SLC37A1: variants seen among roughly 807,000 people sequenced by gnomAD.
SLC37A1 encodes glucose-6-phosphate exchanger SLC37A1.
Under a neutral mutation model 75.3 loss-of-function variants are expected in SLC37A1, and 49 were observed. That is an observed-to-expected ratio of 0.65 (90% CI 0.52 to 0.83). The LOEUF (loss-of-function observed/expected upper bound fraction) is 0.83. SLC37A1 is among the 40% of genes least tolerant of loss of function. The pLI, the probability that SLC37A1 is intolerant of heterozygous loss-of-function variation, is 0.00. For missense variants in SLC37A1, 566 were observed against 695.0 expected (o/e 0.81, Z 2.09); for synonymous variants, 268 against 292.1 (o/e 0.92, Z 0.84).
At chr21:42,540,487 G>A (rs1297714165) in intron 6 of SLC37A1, among the ~76,000 whole-genome samples, 5 of 151,680 alleles carry the variant, frequency 3.3e-5, no homozygotes, top group African/African-American at 1.2e-4. Context: ...CGACTTTGGA[G>A]TTGGGCAGCA....
intron 3 of SLC37A1, chr21:42,526,141 GT>G (rs1465250095): frequency 6.3e-6 from 2 of 319,490 alleles, no homozygotes; most frequent in African/African-American, 4.3e-5. Flanking sequence ...TTGTGTGACT[GT>G]TCCTTCCAAA....
chr21:42,527,413 G>A (rs8128011), intron 3 of SLC37A1, among the ~76,000 whole-genome samples: 6 of 152,034 alleles, frequency 3.9e-5, no homozygotes, highest in Non-Finnish European at 5.9e-5. Flanking sequence ...CCTGACTCTC[G>A]TGTGTAGTGG....
At chr21:42,542,332 T>C (rs2055303570) in intron 6 of SLC37A1, 72 bp from the exon 7 acceptor site, 5 of 1,385,666 alleles carry the variant, frequency 3.6e-6, no homozygotes, top group Admixed American at 2.0e-5. Flanking sequence ...GAGCAAGCTC[T>C]GTGCACCTCC....
At chr21:42,558,796 T>C (rs953879306) in intron 10 of SLC37A1, among the ~76,000 whole-genome samples, 162 bp from the exon 11 acceptor site, 1 of 152,232 alleles carries the variant, frequency 6.6e-6, no homozygotes, top group Non-Finnish European at 1.5e-5. Context: ...TGCTAATCAT[T>C]CTAACACAGT....
chr21:42,574,699 G>C, intron 17 of SLC37A1, 119 bp from the exon 18 acceptor site: 1 of 910,870 alleles, frequency 1.1e-6, no homozygotes, highest in Non-Finnish European at 1.7e-6. Flanking sequence ...AGGTAGTGTA[G>C]TTCCATATGT....
chr21:42,534,564 TCTTAGAATG>T (rs1326417525), intron 3 of SLC37A1, 125 bp from the exon 4 acceptor site: 1 of 1,129,980 alleles, frequency 8.8e-7, no homozygotes, highest in African/African-American at 1.6e-5. Context: ...CTTGTGTCCC[TCTTAGAATG>T]CAGGGTGCAG....
At position 42,518,346 on chromosome 21, in the gene SLC37A1, C is replaced by T; in HGVS notation, c.-109C>T. ...ACACCTTCTTTCCACGCTTTCCAGC[C>T]TGTGGGAGCGGCAGGGGCAACAGAG... is the stretch of plus-strand genomic sequence containing the variant. On this transcript the variant is annotated 5_prime_UTR_variant, in exon 2 of 20. Transcript: ENST00000352133. 1 of 1,405,306 alleles carries T rather than the reference C, an allele frequency of 7.1e-7. No homozygotes were observed. 87.1% of individuals were successfully genotyped at this position (1,405,306 alleles called of 1,614,324 possible). A position where few individuals can be genotyped will look rare whatever the true frequency, so the allele number is the denominator to read the frequency against.
At chr21:42,513,746 C>T (rs2054465979), upstream of SLC37A1, 1 of 141,042 alleles carries the variant, frequency 7.1e-6, no homozygotes, top group Non-Finnish European at 1.6e-5. Context: ...GGGCCGGAGC[C>T]GGGGGTCGCG....
upstream of SLC37A1, among the ~76,000 whole-genome samples, chr21:42,513,051 G>T (rs1411260293): frequency 6.6e-6 from 1 of 152,176 alleles, no homozygotes; most frequent in Admixed American, 6.5e-5. Context: ...CTTTTTCCCC[G>T]GAAAATTTCC....
intron 3 of SLC37A1, among the ~76,000 whole-genome samples, chr21:42,529,943 T>C (rs62215925): frequency 0.068 from 10,357 of 152,222 alleles, 379 homozygotes; most frequent in Middle Eastern, 0.12. Context: ...CCTTCAGACA[T>C]ACTTCTGGGA....
intron 18 of SLC37A1, among the ~76,000 whole-genome samples, chr21:42,578,944 G>A (rs1166804213): frequency 4.6e-5 from 7 of 152,160 alleles, no homozygotes; most frequent in Admixed American, 4.6e-4. Context: ...ATCCACCCTG[G>A]GTCTGAGGGC....
At chr21:42,526,192 C>T (rs762179353) in intron 3 of SLC37A1, among the ~76,000 whole-genome samples, 4 of 152,148 alleles carry the variant, frequency 2.6e-5, no homozygotes, top group Non-Finnish European at 5.9e-5. Context: ...TCCAGCTCTT[C>T]GTGCGATCCA....
At chr21:42,558,294 ATGT>A (rs982753463) in intron 10 of SLC37A1, among the ~76,000 whole-genome samples, 8 of 152,228 alleles carry the variant, frequency 5.3e-5, no homozygotes, top group African/African-American at 1.9e-4. Context: ...TTTTAAAATA[ATGT>A]TGGTGTATTT....
Position 42,548,302 on chromosome 21 carries a change from C to A in SLC37A1, c.768+1162C>A, listed in dbSNP as rs2055467153. Among the ~76,000 whole-genome samples, 1 of 152,192 alleles carries A rather than the reference C, an allele frequency of 6.6e-6. No individual in the cohort carries two copies. Among genetic ancestry groups the A allele is most frequent in the African/African-American group, 2.4e-5 (1 of 41,450 alleles). On this transcript the variant is annotated intron_variant, in intron 9 of 19. Coordinates refer to ENST00000352133, the MANE Select transcript of SLC37A1 (RefSeq NM_001320537.2). The surrounding 1 kb of genome is among the most constrained non-coding windows in gnomAD (Gnocchi z 5.6). ...TGAGGTCTCACCACCACTCAACCTT[C>A]CCACGGAGATGTCTGAGTGTCCTTC... is the stretch of plus-strand genomic sequence containing the variant.
At position 42,567,059 on chromosome 21, in the gene SLC37A1, G is replaced by T; in HGVS notation, c.1344+1G>T. The T allele has an allele frequency of 6.2e-7, 1 of 1,609,234 alleles. No homozygotes were observed. Among genetic ancestry groups the T allele is most frequent in the Non-Finnish European group, 8.5e-7 (1 of 1,179,850 alleles). ...CACCACCGCCGTCTCCGCCGACCTGGTGAGTAGAACCGGGAGAGACACCAG... is the reference window on the plus strand; with the variant it reads ...CACCACCGCCGTCTCCGCCGACCTGTTGAGTAGAACCGGGAGAGACACCAG... On this transcript the variant is annotated splice_donor_variant, in intron 16 of 19. Transcript: ENST00000352133. LOFTEE classifies it high-confidence loss of function.
intron 1 of SLC37A1, among the ~76,000 whole-genome samples, chr21:42,501,936 G>A (rs980796357): frequency 1.3e-5 from 2 of 152,126 alleles, no homozygotes; most frequent in African/African-American, 4.8e-5. Flanking sequence ...AGATTTTCTA[G>A]AAAAGGGACA....
intron 18 of SLC37A1, chr21:42,575,629 A>G: frequency 3.0e-6 from 3 of 985,502 alleles, no homozygotes; most frequent in Non-Finnish European, 3.6e-6. Flanking sequence ...CCTGGCCACA[A>G]AGTCCCCAGA....
chr21:42,559,679 C>G (rs1014385210), intron 11 of SLC37A1, among the ~76,000 whole-genome samples: 3 of 152,232 alleles, frequency 2.0e-5, no homozygotes, highest in Admixed American at 6.5e-5. Flanking sequence ...AGTTCAAAAC[C>G]AGCCTGGCCA....
chr21:42,549,774 C>T (rs1393158133), intron 9 of SLC37A1, among the ~76,000 whole-genome samples: 2 of 152,342 alleles, frequency 1.3e-5, no homozygotes, highest in Admixed American at 6.5e-5. Flanking sequence ...TAAGAGATTT[C>T]AGATGTGCTG....
Sources: allele counts gnomAD v4.1 joint callset (sites outside exome capture counted in the v4.1 genomes callset), GRCh38; gene constraint gnomAD v4.1.1; non-coding constraint Gnocchi (gnomAD v3.1); transcripts MANE v1.5; gene names NCBI Gene and HGNC (gene_info 2026-07-23, HGNC 2026-07-21).